RANBP2: variants seen among roughly 807,000 people sequenced by gnomAD.
RANBP2 encodes the protein RAN binding protein 2.
Under a neutral mutation model 303.6 loss-of-function variants are expected in RANBP2, and 57 were observed. The ratio of observed to expected loss-of-function variants is 0.19; its 90% CI spans 0.15 to 0.23. The LOEUF (loss-of-function observed/expected upper bound fraction) is 0.23. Ranked by LOEUF, RANBP2 falls within the 10% of genes least tolerant of loss-of-function variation. RANBP2 has a pLI of 1.00. For missense variants in RANBP2, 3,138 were observed against 3,780.8 expected, an observed-to-expected ratio of 0.83 and a Z score of 4.46; for synonymous variants, 1,167 against 1,301.5, an observed-to-expected ratio of 0.90 and a Z score of 2.23.
chr2:109,148,650 T>G, the RANBP2 span, among the ~76,000 whole-genome samples: 1 of 152,208 alleles, frequency 6.6e-6, no homozygotes, highest in African/African-American at 2.4e-5. Flanking sequence ...CCACAGCGTT[T>G]AAAAATGTGA....
chr2:108,769,699 T>C (rs1276750304), intron 20 of RANBP2, among the ~76,000 whole-genome samples: 5 of 152,102 alleles, frequency 3.3e-5, no homozygotes, highest in Non-Finnish European at 7.3e-5. Context: ...CCTGTAGGGC[T>C]GTTCTTTTGT....
the RANBP2 span, among the ~76,000 whole-genome samples, chr2:108,986,490 G>A: frequency 6.6e-6 from 1 of 152,152 alleles, no homozygotes; most frequent in Non-Finnish European, 1.5e-5. Context: ...GAGGACACAG[G>A]TTCTAGTCTC....
the RANBP2 span, among the ~76,000 whole-genome samples, chr2:108,817,166 G>A: frequency 1.3e-5 from 2 of 152,192 alleles, no homozygotes; most frequent in African/African-American, 2.4e-5. Context: ...TTATGTGGGT[G>A]GTCCTGGTAA....
the RANBP2 span, among the ~76,000 whole-genome samples, chr2:109,083,941 G>A: frequency 6.6e-6 from 1 of 152,114 alleles, no homozygotes; most frequent in African/African-American, 2.4e-5. Flanking sequence ...CAGCTGCATA[G>A]CAAGAGGCCT....
the RANBP2 span, among the ~76,000 whole-genome samples, chr2:109,083,459 G>T: frequency 6.6e-6 from 1 of 152,190 alleles, no homozygotes; most frequent in Non-Finnish European, 1.5e-5. Context: ...ATGCTGCAGC[G>T]TGTGTCAGAA....
At chr2:108,911,011 G>A in the RANBP2 span, 2 of 1,614,164 alleles carry the variant, frequency 1.2e-6, no homozygotes, top group Non-Finnish European at 1.7e-6. Context: ...CGATGGCCAT[G>A]ATGAAGATGG....
chr2:108,932,310 C>T, the RANBP2 span, among the ~76,000 whole-genome samples: 10 of 152,022 alleles, frequency 6.6e-5, no homozygotes, highest in African/African-American at 2.4e-4. Flanking sequence ...GGGCGGATCA[C>T]GAGGTCAGGA....
chr2:109,505,746 TCAAA>T, the RANBP2 span, among the ~76,000 whole-genome samples: 1 of 152,134 alleles, frequency 6.6e-6, no homozygotes, highest in Non-Finnish European at 1.5e-5. Flanking sequence ...CAGCCATGAC[TCAAA>T]CTCAAGTCTA....
At chr2:108,947,220 G>C in the RANBP2 span, among the ~76,000 whole-genome samples, 1 of 152,246 alleles carries the variant, frequency 6.6e-6, no homozygotes, top group Non-Finnish European at 1.5e-5. Context: ...TCCAGGGCAT[G>C]CTGATGCAAG....
the RANBP2 span, among the ~76,000 whole-genome samples, chr2:109,408,791 T>C: frequency 6.6e-6 from 1 of 152,240 alleles, no homozygotes; most frequent in South Asian, 2.1e-4. Context: ...CAGTTGGATG[T>C]GGATGAATAT....
At chr2:109,656,624 G>A in the RANBP2 span, among the ~76,000 whole-genome samples, 275 of 152,338 alleles carry the variant, frequency 1.8e-3, 1 homozygote, top group Non-Finnish European at 3.1e-3. Context: ...ATAGGCATGA[G>A]CCACCGCACC....
At chr2:109,500,633 T>C in the RANBP2 span, among the ~76,000 whole-genome samples, 2 of 152,164 alleles carry the variant, frequency 1.3e-5, no homozygotes, top group African/African-American at 2.4e-5. Flanking sequence ...AAAAAAATCT[T>C]ATGATTTTTG....
the RANBP2 span, among the ~76,000 whole-genome samples, chr2:109,537,330 T>C: frequency 6.6e-6 from 1 of 152,210 alleles, no homozygotes; most frequent in African/African-American, 2.4e-5. Flanking sequence ...CCCTTAATGT[T>C]TGTAGTATGA....
the RANBP2 span, among the ~76,000 whole-genome samples, chr2:109,161,568 A>G: frequency 6.6e-6 from 1 of 151,748 alleles, no homozygotes; most frequent in South Asian, 2.1e-4. Context: ...GTGGAAGTTA[A>G]TAAAGAAAAA....
At chr2:109,070,006 C>G in the RANBP2 span, among the ~76,000 whole-genome samples, 1 of 152,204 alleles carries the variant, frequency 6.6e-6, no homozygotes, top group Non-Finnish European at 1.5e-5. Flanking sequence ...AGCTTCTTTT[C>G]ATCTCAAAGG....
chr2:108,856,675 T>C, the RANBP2 span: 2 of 901,194 alleles, frequency 2.2e-6, no homozygotes, highest in African/African-American at 3.4e-5. Context: ...TGATCTCTTA[T>C]TTAATTTTTG....
chr2:109,633,046 C>G, the RANBP2 span, among the ~76,000 whole-genome samples: 1 of 152,038 alleles, frequency 6.6e-6, no homozygotes, highest in African/African-American at 2.4e-5. Flanking sequence ...AAATAGAAGG[C>G]ACATCCACTG....
the RANBP2 span, among the ~76,000 whole-genome samples, chr2:108,852,807 C>G: frequency 0.71 from 108,585 of 151,992 alleles, 41,805 homozygotes; most frequent in East Asian, 0.9. Context: ...AGTCTTAATA[C>G]CTGGGTGATG....
At chr2:109,079,405 T>A in the RANBP2 span, among the ~76,000 whole-genome samples, 1 of 152,128 alleles carries the variant, frequency 6.6e-6, no homozygotes, top group Admixed American at 6.5e-5. Context: ...TAGTTAAGTT[T>A]TGGGGGAGTC....
Sources: allele counts gnomAD v4.1 joint callset (sites outside exome capture counted in the v4.1 genomes callset), GRCh38; gene constraint gnomAD v4.1.1; transcripts MANE v1.5; gene names NCBI Gene and HGNC (gene_info 2026-07-23, HGNC 2026-07-21).